XPO5: variants seen among roughly 807,000 people sequenced by gnomAD.
XPO5 encodes the protein exportin 5.
In XPO5, 46 loss-of-function variants were observed where a neutral mutation model predicts 160.6. The ratio of observed to expected loss-of-function variants is 0.29; its 90% CI spans 0.23 to 0.37. XPO5 has a LOEUF of 0.37. Ranked by LOEUF, XPO5 falls within the 10% of genes least tolerant of loss-of-function variation. The pLI is 1.00. For synonymous variants in XPO5, 537 were observed against 519.3 expected (o/e 1.03, Z -0.46); for missense variants, 1,090 against 1,463.9 (o/e 0.74, Z 4.17).
In XPO5 at chr6:43,529,378, TAAAAAAA is replaced by T. The variant is rs35493258; in HGVS notation, c.2678-460_2678-454del. On this transcript the variant is annotated intron_variant, in intron 23 of 31. Coordinates refer to ENST00000265351, the MANE Select transcript of XPO5 (RefSeq NM_020750.3). ...TAACATGGTGAAACCCCGTCTCTAC[TAAAAAAA>T]AAAAAAAAAAAAAAAAAAATTAGTC... 33 of 121,766 alleles carry T rather than the reference TAAAAAAA, an allele frequency of 2.7e-4. No homozygotes were observed. The Admixed American group carries it at 3.2e-3, about 12-fold the overall frequency. 7.5% of individuals were successfully genotyped at this position (121,766 alleles called of 1,614,324 possible). A position where few individuals can be genotyped will look rare whatever the true frequency, so the allele number is the denominator to read the frequency against.
intron 11 of XPO5, 55 bp from the exon 12 acceptor site, chr6:43,558,646 T>G (rs1172626151): frequency 1.1e-5 from 15 of 1,369,656 alleles, no homozygotes; most frequent in African/African-American, 1.5e-5. Flanking sequence ...ACTGAAAGAG[T>G]TTTTAAGCTT....
In XPO5 at chr6:43,523,302, G is replaced by A. The variant is rs948647357; in HGVS notation, c.*566C>T. On this transcript the variant is annotated 3_prime_UTR_variant, in exon 32 of 32. Transcript: ENST00000265351. ...GATCCCATCAGGTGACCAGATTCTT[G>A]CCCAAAGCAAAGTTGAGAGAACTGA... 2 of 232,688 alleles carry A rather than the reference G, an allele frequency of 8.6e-6. No homozygotes were observed. Among genetic ancestry groups the A allele is most frequent in the Admixed American group, 5.2e-5 (1 of 19,328 alleles). The allele number at this position is 232,688 out of a possible 1,614,324, so 14.4% of individuals were successfully genotyped here.
At chr6:43,534,749 G>C (rs1158817321) in intron 20 of XPO5, among the ~76,000 whole-genome samples, 1 of 152,170 alleles carries the variant, frequency 6.6e-6, no homozygotes, top group Admixed American at 6.5e-5. Context: ...TATAATCCCA[G>C]TACTTTGGGA....
Position 43,522,704 on chromosome 6 carries a change from G to A in XPO5, c.*1164C>T. 2.0e-6 allele frequency: 1 copy of A among 499,868 alleles called. No individual in the cohort carries two copies. Among genetic ancestry groups the A allele is most frequent in the South Asian group, 1.5e-5 (1 of 66,968 alleles). The allele number at this position is 499,868 out of a possible 1,614,324, so 31.0% of individuals were successfully genotyped here. ...TAGCTTCAGTCCACTTCGGCTCTCG[G>A]GGAAACCCTCTTGTCAGTGGACTGG... On this transcript the variant is annotated 3_prime_UTR_variant, in exon 32 of 32. Transcript: ENST00000265351.
chr6:43,553,283 C>A (rs758934156), intron 14 of XPO5, 90 bp downstream of exon 14: 11 of 1,449,512 alleles, frequency 7.6e-6, no homozygotes, highest in Non-Finnish European at 1.0e-5. Context: ...GCCTGAGCAA[C>A]AGAGAGATAT....
chr6:43,539,169 T>C, intron 20 of XPO5: 5 of 1,101,428 alleles, frequency 4.5e-6, no homozygotes, highest in South Asian at 2.6e-5. Flanking sequence ...CAGGGGACGG[T>C]GTGGGGCTTG....
intron 11 of XPO5, among the ~76,000 whole-genome samples, chr6:43,559,926 C>T (rs1762321330): frequency 6.6e-6 from 1 of 152,142 alleles, no homozygotes; most frequent in Admixed American, 6.6e-5. Flanking sequence ...GGTGATCCTC[C>T]CACCTTAAGC....
In XPO5 at chr6:43,562,234, A is replaced by C. The variant is rs751733138; in HGVS notation, c.1011+13T>G. ...TGGGCTTGAAGCTCTCCAGAAAGCA[A>C]ACACTAGCTCACCAGCAATGCACAC... On this transcript the variant is annotated intron_variant, in intron 9 of 31. Coordinates refer to ENST00000265351, the MANE Select transcript of XPO5 (RefSeq NM_020750.3). 6.3e-7 allele frequency: 1 copy of C among 1,595,936 alleles called. No homozygotes were observed.
intron 6 of XPO5, among the ~76,000 whole-genome samples, chr6:43,567,756 A>T (rs1338405166): frequency 6.6e-6 from 1 of 151,580 alleles, no homozygotes; most frequent in African/African-American, 2.4e-5. Context: ...AAAATAAAAT[A>T]AAAAAAATAC....
At chr6:43,527,807 A>T (rs1793693584) in intron 25 of XPO5, 76 bp from the exon 26 acceptor site, 1 of 1,478,504 alleles carries the variant, frequency 6.8e-7, no homozygotes, top group Admixed American at 1.8e-5. Flanking sequence ...CCCTAATCAG[A>T]CTCTCTCTGA....
At position 43,551,413 on chromosome 6, in the gene XPO5, A is replaced by G; in HGVS notation, c.1613T>C (p.Val538Ala). The change falls in exon 15 of 32, where the codon GTT (valine) becomes GCT (alanine). Residue 538 changes from valine to alanine, a missense_variant. By Grantham distance (64) the Val-to-Ala change is moderately conservative. This residue lies in a region of XPO5 where 810 missense variants were observed against 1,139.0 expected (regional missense o/e 0.71). Coordinates refer to ENST00000265351, the MANE Select transcript of XPO5 (RefSeq NM_020750.3). ...VNDGIELLQM[V>A]LNFDTKDPLI... ...GGGATCCTTGGTATCAAAGTTCAGAACCATCTGCAATAGCTCTATTCCATC... is the reference window on the plus strand; with the variant it reads ...GGGATCCTTGGTATCAAAGTTCAGAGCCATCTGCAATAGCTCTATTCCATC... 1.9e-6 allele frequency: 3 copies of G among 1,614,008 alleles called. No individual in the cohort carries two copies. Among genetic ancestry groups the G allele is most frequent in the Non-Finnish European group, 2.5e-6 (3 of 1,179,880 alleles).
At chr6:43,575,449 G>A (rs1763260460) in intron 1 of XPO5, among the ~76,000 whole-genome samples, 1 of 152,182 alleles carries the variant, frequency 6.6e-6, no homozygotes, top group Non-Finnish European at 1.5e-5. Context: ...ATGAAAATGG[G>A]CGAGGGTCAT....
At position 43,570,041 on chromosome 6, in the gene XPO5, A is replaced by G. The variant is rs544713843; in HGVS notation, c.621+461T>C. Among the ~76,000 whole-genome samples the G allele has an allele frequency of 5.6e-5, 7 of 124,108 alleles. No homozygotes were observed. In the Middle Eastern group the frequency reaches 0.023, roughly 414 times the overall value. The allele number at this position is 124,108 out of a possible 152,430, so 81.4% of individuals were successfully genotyped here. On this transcript the variant is annotated intron_variant, in intron 5 of 31. Coordinates refer to ENST00000265351, the MANE Select transcript of XPO5 (RefSeq NM_020750.3). The stretch of plus-strand genomic sequence containing the variant: ...TTTTTTTTTTTTTTTAAAAAAGGCC[A>G]GGTGCCGTGGCTCACACCTATAATC...
chr6:43,527,410 T>C (rs1460932987), intron 26 of XPO5: 4 of 411,764 alleles, frequency 9.7e-6, no homozygotes, highest in Non-Finnish European at 1.8e-5. Context: ...TAGCTGGGAC[T>C]ACAGGCCTGC....
intron 9 of XPO5, chr6:43,561,386 T>TC: frequency 6.0e-6 from 1 of 166,096 alleles, no homozygotes; most frequent in African/African-American, 2.4e-5. Context: ...TCTTTTCTTT[T>TC]TTTTTTCTTT....
intron 24 of XPO5, 146 bp from the exon 25 acceptor site, chr6:43,528,351 G>C (rs1793729910): frequency 1.3e-6 from 1 of 749,136 alleles, no homozygotes. Context: ...CACACCACAA[G>C]GTTAAAAAAA....
Position 43,547,720 on chromosome 6 carries a change from G to A in XPO5, c.2061-13C>T, listed in dbSNP as rs778500788. On this transcript the variant is annotated splice_polypyrimidine_tract_variant and intron_variant, in intron 18 of 31. Coordinates refer to ENST00000265351, the MANE Select transcript of XPO5 (RefSeq NM_020750.3). ...ATCTGACAGCACTCTGAAGGTTGGA[G>A]GGGGAAAAACAAGTTACATCATGAC... 25 of 1,611,962 alleles carry A rather than the reference G, an allele frequency of 1.6e-5. No individual in the cohort carries two copies. Among genetic ancestry groups the A allele is most frequent in the Non-Finnish European group, 2.0e-5 (24 of 1,178,146 alleles).
At chr6:43,537,140 CTT>C (rs70990198) in intron 20 of XPO5, among the ~76,000 whole-genome samples, 14 of 137,128 alleles carry the variant, frequency 1.0e-4, no homozygotes, top group Admixed American at 2.2e-4. Context: ...ATAATTAAAA[CTT>C]TTTTTTTTTT....
chr6:43,526,361 A>G, intron 27 of XPO5: 1 of 422,026 alleles, frequency 2.4e-6, no homozygotes, highest in Non-Finnish European at 4.4e-6. Flanking sequence ...AGAATAAAGC[A>G]GAGGAATACA....
Sources: allele counts gnomAD v4.1 joint callset (sites outside exome capture counted in the v4.1 genomes callset), GRCh38; gene constraint gnomAD v4.1.1; regional missense constraint gnomAD v4.1.1; transcripts MANE v1.5; gene names NCBI Gene and HGNC (gene_info 2026-07-23, HGNC 2026-07-21).